Variants in CDH17 observed in about 807,000 individuals in gnomAD.
The protein encoded by CDH17 is cadherin 17, also known as cadherin-17.
CDH17 carries 67 observed loss-of-function variants against 86.3 expected under a neutral mutation model. That is an observed-to-expected ratio of 0.78 (90% confidence interval 0.64 to 0.95). CDH17 has a LOEUF of 0.95. Ranked by LOEUF, CDH17 falls within the 40% of genes least tolerant of loss-of-function variation. The pLI is 0.00. For synonymous variants in CDH17, 367 were observed against 366.4 expected, an observed-to-expected ratio of 1.00 and a Z score of -0.02; for missense variants, 993 against 1,017.6, an observed-to-expected ratio of 0.98 and a Z score of 0.33.
At chr8:94,209,788 A>G (rs1367207566), upstream of CDH17, among the ~76,000 whole-genome samples, 5 of 152,294 alleles carry the variant, frequency 3.3e-5, 1 homozygote, top group Middle Eastern at 3.4e-3. Flanking sequence ...CTACAAAATC[A>G]AATCGCTTCC....
chr8:94,160,582 TA>T (rs1268190964), intron 11 of CDH17, among the ~76,000 whole-genome samples: 3 of 152,214 alleles, frequency 2.0e-5, no homozygotes, highest in Admixed American at 1.3e-4. Flanking sequence ...ACTTTGGAGT[TA>T]AACAGCCTGA....
upstream of CDH17, among the ~76,000 whole-genome samples, chr8:94,211,100 T>C (rs1814115853): frequency 6.6e-6 from 1 of 151,512 alleles, no homozygotes; most frequent in Admixed American, 6.6e-5. Flanking sequence ...AGCTTCATGG[T>C]GGTGAAAACA....
chr8:94,162,214 A>T (rs1813067971), intron 10 of CDH17, 52 bp from the exon 11 acceptor site: 2 of 1,157,176 alleles, frequency 1.7e-6, no homozygotes, highest in Non-Finnish European at 2.6e-6. Flanking sequence ...ACCATGCATT[A>T]ATATCAGAAA....
chr8:94,150,259 G>T (rs1304870569), intron 13 of CDH17, among the ~76,000 whole-genome samples: 1 of 152,184 alleles, frequency 6.6e-6, no homozygotes, highest in African/African-American at 2.4e-5. Flanking sequence ...TTTTTTAAAA[G>T]GTCACTGACT....
intron 3 of CDH17, among the ~76,000 whole-genome samples, chr8:94,183,320 G>A (rs1600765): frequency 0.77 from 116,810 of 152,046 alleles, 46,024 homozygotes; most frequent in African/African-American, 0.91. Flanking sequence ...AAGACTTAAC[G>A]TTCTCTAATT....
chr8:94,178,571 CA>C (rs35518592), intron 3 of CDH17, among the ~76,000 whole-genome samples: 1 of 147,672 alleles, frequency 6.8e-6, no homozygotes, highest in African/African-American at 2.5e-5. Flanking sequence ...CCTAAATGGT[CA>C]AAAAAAAAGG....
chr8:94,184,948 G>A (rs1189998315), intron 3 of CDH17, among the ~76,000 whole-genome samples: 1 of 152,124 alleles, frequency 6.6e-6, no homozygotes, highest in East Asian at 1.9e-4. Context: ...CCAGGTGCTG[G>A]ATGAGAGGAT....
intron 12 of CDH17, among the ~76,000 whole-genome samples, chr8:94,152,479 C>T (rs1353436484): frequency 5.3e-5 from 8 of 152,132 alleles, no homozygotes; most frequent in Non-Finnish European, 2.9e-5. Context: ...CTGCAAGCTC[C>T]GCCTCCCAGG....
intron 1 of CDH17, among the ~76,000 whole-genome samples, chr8:94,195,663 T>C (rs1303824456): frequency 6.6e-6 from 1 of 152,208 alleles, no homozygotes; most frequent in African/African-American, 2.4e-5. Context: ...GACTAATTGA[T>C]TTTAAGATGT....
intron 3 of CDH17, among the ~76,000 whole-genome samples, 162 bp downstream of exon 3, chr8:94,189,025 G>A (rs1341219755): frequency 1.3e-5 from 2 of 152,162 alleles, no homozygotes; most frequent in East Asian, 3.9e-4. Context: ...TTATGATACT[G>A]AGGCCACTCA....
chr8:94,176,092 G>GCCCAGGCTGGTCTCAAACT (rs1330834421), intron 5 of CDH17, among the ~76,000 whole-genome samples: 1 of 152,048 alleles, frequency 6.6e-6, no homozygotes, highest in Non-Finnish European at 1.5e-5. Flanking sequence ...TCACTTTGTT[G>GCCCAGGCTGGTCTCAAACT]CCCAGGCTGG....
At chr8:94,157,234 AATT>A (rs1219442160) in intron 12 of CDH17, among the ~76,000 whole-genome samples, 2 of 152,230 alleles carry the variant, frequency 1.3e-5, no homozygotes, top group Non-Finnish European at 2.9e-5. Flanking sequence ...AACTTTTAAA[AATT>A]ATTAACACAG....
intron 12 of CDH17, among the ~76,000 whole-genome samples, chr8:94,154,974 C>T (rs1194355814): frequency 6.6e-6 from 1 of 152,106 alleles, no homozygotes. Flanking sequence ...TGCACCAACA[C>T]ACACCATCAT....
intron 13 of CDH17, among the ~76,000 whole-genome samples, chr8:94,150,976 A>G (rs1415643794): frequency 6.6e-6 from 1 of 152,206 alleles, no homozygotes; most frequent in Admixed American, 6.5e-5. Flanking sequence ...ATGATCAGAT[A>G]AAGGTCTTAG....
chr8:94,191,449 CTTTTT>C (rs34208252), intron 2 of CDH17, among the ~76,000 whole-genome samples: 7 of 119,844 alleles, frequency 5.8e-5, no homozygotes, highest in Admixed American at 8.5e-5. Context: ...CAAGAAAATG[CTTTTT>C]TTTTTTTTTT....
Position 94,174,276 on chromosome 8 carries a change from T to TA in CDH17, c.425-17dup. 6.7e-7 allele frequency: 1 copy of TA among 1,489,936 alleles called. No individual in the cohort carries two copies. The highest frequency in any genetic ancestry group is 8.9e-7 in the Non-Finnish European group (1 of 1,123,090). 92.3% of individuals were successfully genotyped at this position (1,489,936 alleles called of 1,614,324 possible). The stretch of plus-strand genomic sequence containing the variant: ...AAGGGCTTTCCTGTTTAACAAGACG[T>TA]ACCCAGAAAAAAAAAAAAAAAGATA... On this transcript the variant is annotated splice_polypyrimidine_tract_variant and intron_variant, in intron 5 of 17. Coordinates refer to ENST00000027335, the MANE Select transcript of CDH17 (RefSeq NM_004063.4).
chr8:94,207,507 G>A (rs766735990), intron 1 of CDH17, among the ~76,000 whole-genome samples: 19 of 152,146 alleles, frequency 1.2e-4, no homozygotes, highest in Admixed American at 6.5e-4. Context: ...ATATGGCCCC[G>A]TAACTCACTA....
chr8:94,141,924 C>T (rs546763176), intron 15 of CDH17, among the ~76,000 whole-genome samples: 122 of 152,058 alleles, frequency 8.0e-4, no homozygotes, highest in African/African-American at 2.7e-3. Context: ...AGAACAAAGT[C>T]GGAAAAATTA....
At chr8:94,193,503 T>C (rs932624798) in intron 2 of CDH17, among the ~76,000 whole-genome samples, 10 of 152,334 alleles carry the variant, frequency 6.6e-5, no homozygotes, top group Non-Finnish European at 1.3e-4. Context: ...TATTATTAGA[T>C]CCACTTCACA....
Sources: allele counts gnomAD v4.1 joint callset (sites outside exome capture counted in the v4.1 genomes callset), GRCh38; gene constraint gnomAD v4.1.1; transcripts MANE v1.5; gene names NCBI Gene and HGNC (gene_info 2026-07-23, HGNC 2026-07-21).